NREP: variants seen among roughly 807,000 people sequenced by gnomAD.
The protein encoded by NREP is neuronal regeneration-related protein.
A neutral mutation model predicts 8.6 loss-of-function variants in NREP; 5 were observed. The observed-to-expected ratio is 0.58, with a 90% CI of 0.30 to 1.22. NREP has a LOEUF of 1.22. Ranked by LOEUF, NREP falls within the 50% of genes most tolerant of loss-of-function variation. NREP has a pLI of 0.07. For synonymous variants in NREP, 27 were observed against 28.0 expected (o/e 0.96, Z 0.11); for missense variants, 86 against 82.5 (o/e 1.04, Z -0.17).
intron 2 of NREP, among the ~76,000 whole-genome samples, chr5:111,953,701 C>T (rs1003294718): frequency 6.6e-6 from 1 of 151,970 alleles, no homozygotes; most frequent in Non-Finnish European, 1.5e-5. Context: ...AAGAATAGAA[C>T]AGGGAACAAT....
At chr5:111,764,772 A>G (rs1751042101) in intron 2 of NREP, among the ~76,000 whole-genome samples, 1 of 152,230 alleles carries the variant, frequency 6.6e-6, no homozygotes. Flanking sequence ...ATACCCAAGA[A>G]GGTAAACCCC....
Position 111,910,735 on chromosome 5 carries a change from C to G in NREP, c.135+64539G>C, listed in dbSNP as rs375419529. Reference sequence around the variant, plus strand: ...CCAGGACAGAAACCCTCTGATGCCACCAAGTTTACCTCCAAAAGGAAGCCC... The same window carrying G: ...CCAGGACAGAAACCCTCTGATGCCAGCAAGTTTACCTCCAAAAGGAAGCCC... On this transcript the variant is annotated intron_variant, in intron 2 of 3. Transcript: ENST00000395634. 2.5e-3 allele frequency among the ~76,000 whole-genome samples: 379 copies of G among 152,112 alleles called. 3 individuals carry two copies. Among genetic ancestry groups the G allele is most frequent in the African/African-American group, 8.6e-3 (359 of 41,522 alleles).
chr5:111,908,208 T>C (rs866882267), intron 2 of NREP, among the ~76,000 whole-genome samples: 7 of 152,036 alleles, frequency 4.6e-5, no homozygotes, highest in African/African-American at 1.4e-4. Context: ...GATTCTGCAC[T>C]AAATGCTAAT....
chr5:111,765,958 G>A (rs577198855), intron 2 of NREP, among the ~76,000 whole-genome samples: 16 of 152,064 alleles, frequency 1.1e-4, no homozygotes, highest in Non-Finnish European at 2.4e-4. Context: ...AAATGGTTTT[G>A]AACCACACCA....
chr5:111,812,026 G>A (rs946186758), intron 2 of NREP, among the ~76,000 whole-genome samples: 1 of 152,136 alleles, frequency 6.6e-6, no homozygotes, highest in Admixed American at 6.5e-5. Context: ...AGTGGTTCAC[G>A]CCTGTAATCG....
upstream of NREP, among the ~76,000 whole-genome samples, chr5:111,760,377 T>C (rs140621842): frequency 4.1e-3 from 617 of 152,258 alleles, 10 homozygotes; most frequent in South Asian, 0.045. Flanking sequence ...GTGCACTGCA[T>C]TGAAGAGGGA....
At chr5:111,757,568 G>C (rs1445374802), upstream of NREP, 2 of 984,520 alleles carry the variant, frequency 2.0e-6, no homozygotes, top group African/African-American at 3.5e-5. Flanking sequence ...TTACTCGGCA[G>C]GAATCGGCGG....
intron 2 of NREP, among the ~76,000 whole-genome samples, chr5:111,883,566 C>G (rs535048973): frequency 2.6e-4 from 40 of 152,224 alleles, no homozygotes; most frequent in Non-Finnish European, 5.3e-4. Context: ...TGACCACATA[C>G]TTGGAAGTAA....
intron 2 of NREP, among the ~76,000 whole-genome samples, chr5:111,951,635 A>G (rs1018518157): frequency 5.3e-5 from 8 of 152,118 alleles, no homozygotes; most frequent in African/African-American, 1.9e-4. Context: ...TGAAGGCTCT[A>G]TGAGTATTCA....
downstream of NREP, chr5:111,729,097 A>ATCT (rs760755847): frequency 4.6e-5 from 7 of 152,286 alleles, no homozygotes; most frequent in African/African-American, 7.2e-5. Context: ...TGCAAATACC[A>ATCT]TCTTAATGAG....
At chr5:111,976,841 C>A in exon 1 of NREP, 1 of 840,176 alleles carries the variant, frequency 1.2e-6, no homozygotes, top group South Asian at 1.6e-5. Flanking sequence ...CTCTGCAGCC[C>A]ATTCTGATTG....
chr5:111,796,678 A>T (rs1751879599), intron 2 of NREP, among the ~76,000 whole-genome samples: 1 of 139,204 alleles, frequency 7.2e-6, no homozygotes, highest in Non-Finnish European at 1.7e-5. Flanking sequence ...TTTGGCAATG[A>T]ATGAGTAAGT....
At chr5:111,740,450 GTCCC>G (rs1309978355) in intron 2 of NREP, among the ~76,000 whole-genome samples, 1 of 152,006 alleles carries the variant, frequency 6.6e-6, no homozygotes, top group Non-Finnish European at 1.5e-5. Context: ...TCAGGGTTTT[GTCCC>G]TCCCTTCCTT....
intron 2 of NREP, among the ~76,000 whole-genome samples, chr5:111,884,691 G>A (rs1754190012): frequency 6.6e-6 from 1 of 152,052 alleles, no homozygotes; most frequent in Non-Finnish European, 1.5e-5. Flanking sequence ...AATAAATGCA[G>A]TCCAGCATAT....
chr5:111,910,999 T>A (rs554046934), intron 2 of NREP, among the ~76,000 whole-genome samples: 5 of 151,996 alleles, frequency 3.3e-5, no homozygotes, highest in Admixed American at 1.3e-4. Context: ...AGGATACTGT[T>A]TGAGCACCAC....
At chr5:111,834,154 A>G (rs575549299) in intron 2 of NREP, among the ~76,000 whole-genome samples, 2 of 152,350 alleles carry the variant, frequency 1.3e-5, no homozygotes, top group South Asian at 4.1e-4. Context: ...GCTGGGAGAT[A>G]CTAGCTACTG....
At chr5:111,805,262 G>A (rs1252214739) in intron 2 of NREP, among the ~76,000 whole-genome samples, 1 of 152,162 alleles carries the variant, frequency 6.6e-6, no homozygotes, top group Non-Finnish European at 1.5e-5. Flanking sequence ...CTGCTCTGAA[G>A]GGGAAAAATG....
chr5:111,763,971 C>T (rs1264278179), intron 2 of NREP, among the ~76,000 whole-genome samples: 2 of 152,192 alleles, frequency 1.3e-5, no homozygotes, highest in African/African-American at 4.8e-5. Context: ...CAAGGTAGTG[C>T]TTGTCTTACC....
chr5:111,841,289 G>T (rs1360337917), intron 2 of NREP, among the ~76,000 whole-genome samples: 1 of 152,108 alleles, frequency 6.6e-6, no homozygotes, highest in East Asian at 1.9e-4. Flanking sequence ...ACTGGTCAAG[G>T]GTTGCCCCAT....
Sources: gnomAD v4.1 joint callset for allele counts (sites outside exome capture counted in the v4.1 genomes callset) on GRCh38, gnomAD v4.1.1 for gene constraint, MANE v1.5 for transcripts, NCBI Gene and HGNC (gene_info 2026-07-23, HGNC 2026-07-21) for gene names.